Variants in DCX observed in about 807,000 individuals in gnomAD.
DCX encodes the protein doublecortin.
Under a neutral mutation model 20.9 loss-of-function variants are expected in DCX, and 4 were observed. That is an observed-to-expected ratio of 0.19 (90% CI 0.09 to 0.44). The LOEUF is 0.44. Among genes scored for constraint, DCX ranks in the 20% least tolerant of loss-of-function variants. The pLI is 0.99. For missense variants in DCX, 133 were observed against 296.9 expected (o/e 0.45, Z 4.06); for synonymous variants, 103 against 111.4 (o/e 0.92, Z 0.47).
rs555960681 is a variant in DCX at position 111,391,089 on chromosome X, A to C, written c.705+9901T>G. 1.5e-3 allele frequency among the ~76,000 whole-genome samples: 168 copies of C among 109,911 alleles called. 1 individual carries two copies. In the South Asian group the frequency reaches 0.019, roughly 12 times the overall value. On this transcript the variant is annotated intron_variant, in intron 3 of 6. Transcript: ENST00000636035. ...TGATATGGTTTGGCTCTGTGCCCCC[A>C]CCCAAATTTCATGTTGAATTGTAAT...
At position 111,301,017 on chromosome X, in the gene DCX, C is replaced by T. The variant is rs763548918; in HGVS notation, c.*670G>A. The T allele has an allele frequency of 3.5e-5, 4 of 113,704 alleles. No individual in the cohort carries two copies. Among genetic ancestry groups the T allele is most frequent in the Admixed American group, 9.2e-5 (1 of 10,895 alleles). The allele number at this position is 113,704 out of a possible 1,213,427, so 9.4% of individuals were successfully genotyped here. ...AATTCACTGTGCTTTATAAACTCTT[C>T]GGAAATGTCTGCAGTATTTTCCAAT... On this transcript the variant is annotated 3_prime_UTR_variant, in exon 7 of 7. Transcript: ENST00000636035.
chrX:111,390,564 C>T (rs866521119), intron 3 of DCX, among the ~76,000 whole-genome samples: 3 of 111,826 alleles, frequency 2.7e-5, no homozygotes, highest in Non-Finnish European at 1.9e-5. Flanking sequence ...ACTGCTGCCT[C>T]GATTTAGATC....
chrX:111,394,439 A>G (rs1927176026), intron 3 of DCX, among the ~76,000 whole-genome samples: 1 of 112,133 alleles, frequency 8.9e-6, no homozygotes, highest in African/African-American at 3.2e-5. Context: ...ACCTCTGTGA[A>G]TATACTAAAA....
chrX:111,410,775 T>C, intron 1 of DCX: 1 of 1,210,597 alleles, frequency 8.3e-7, no homozygotes, highest in Non-Finnish European at 1.1e-6. Context: ...CCTATCAAAT[T>C]GGAACTTCGG....
At chrX:111,382,668 C>A (rs1051668256) in intron 3 of DCX, among the ~76,000 whole-genome samples, 1 of 111,314 alleles carries the variant, frequency 9.0e-6, no homozygotes, top group Non-Finnish European at 1.9e-5. Context: ...CAAGAGAGTG[C>A]AAGACAGGAT....
At chrX:111,326,795 A>G (rs2147623205) in intron 5 of DCX, among the ~76,000 whole-genome samples, 1 of 112,091 alleles carries the variant, frequency 8.9e-6, no homozygotes, top group African/African-American at 3.2e-5. Flanking sequence ...AAGTAGAAGG[A>G]TTTGATTTAT....
chrX:111,329,427 A>G (rs1484961719), intron 5 of DCX, among the ~76,000 whole-genome samples: 11 of 111,817 alleles, frequency 9.8e-5, no homozygotes, highest in Non-Finnish European at 1.9e-4. Flanking sequence ...TGATATGAAA[A>G]TGAACCTACC....
intron 3 of DCX, among the ~76,000 whole-genome samples, chrX:111,396,100 T>G (rs1216664570): frequency 8.9e-6 from 1 of 112,361 alleles, no homozygotes; most frequent in Non-Finnish European, 1.9e-5. Context: ...AAAGGGCAAG[T>G]CTTTCCTAGA....
rs144228007 is a variant in DCX, at chrX:111,393,181, G to A, written c.705+7809C>T. On this transcript the variant is annotated intron_variant, in intron 3 of 6. Coordinates refer to ENST00000636035, the MANE Select transcript of DCX (RefSeq NM_001195553.2). ...AATTCTAAAAACCTTCAGAGGACTC[G>A]GCTATATGAACCACTGTTCATATTT... Among the ~76,000 whole-genome samples the A allele has an allele frequency of 4.2e-3, 468 of 110,917 alleles. 3 individuals carry two copies. Among genetic ancestry groups the A allele is most frequent in the Admixed American group, 9.9e-3 (103 of 10,419 alleles).
intron 5 of DCX, among the ~76,000 whole-genome samples, chrX:111,316,098 A>AAT (rs2095071017): frequency 9.5e-6 from 1 of 105,370 alleles, no homozygotes; most frequent in Non-Finnish European, 1.9e-5. Flanking sequence ...AAAAAAAAAA[A>AAT]AAAAAAAAAA....
In DCX at chrX:111,410,786, G is replaced by A. The variant is rs1405111726; in HGVS notation, c.-22-366C>T. 8.3e-6 allele frequency: 10 copies of A among 1,208,186 alleles called. No homozygotes were observed. The highest frequency in any genetic ancestry group is 1.1e-5 in the Non-Finnish European group (10 of 894,675). ...GGCTCCTATCAAATTGGAACTTCGGGCTAAATACATTAAAACTGGCATCTG... is the reference window on the plus strand; with the variant it reads ...GGCTCCTATCAAATTGGAACTTCGGACTAAATACATTAAAACTGGCATCTG... On this transcript the variant is annotated intron_variant, in intron 1 of 6. Coordinates refer to ENST00000636035, the MANE Select transcript of DCX (RefSeq NM_001195553.2).
At chrX:111,376,149 A>G (rs1925514326) in intron 3 of DCX, among the ~76,000 whole-genome samples, 1 of 112,084 alleles carries the variant, frequency 8.9e-6, no homozygotes, top group African/African-American at 3.2e-5. Context: ...TTTTTAAGGA[A>G]AAGTTAGAAT....
chrX:111,368,725 T>C (rs1452248723), intron 3 of DCX, among the ~76,000 whole-genome samples: 2 of 111,053 alleles, frequency 1.8e-5, no homozygotes, highest in South Asian at 3.8e-4. Flanking sequence ...TTTCTTACTT[T>C]CCAGGTGGCA....
rs1312662948 is a variant in DCX, at chrX:111,321,941, T to C, written c.946+8963A>G. Among the ~76,000 whole-genome samples, 4 of 112,146 alleles carry C rather than the reference T, an allele frequency of 3.6e-5. No individual in the cohort carries two copies. The South Asian group carries it at 1.5e-3, about 42-fold the overall frequency. ...ACCACAGACCAAACCAAGTTAATGC[T>C]CATTCACTTAGCCCTGGCTTTCCCT... On this transcript the variant is annotated intron_variant, in intron 5 of 6. Transcript: ENST00000636035.
intron 3 of DCX, among the ~76,000 whole-genome samples, chrX:111,377,300 C>T (rs1485199576): frequency 2.7e-5 from 3 of 111,965 alleles, no homozygotes; most frequent in African/African-American, 9.7e-5. Flanking sequence ...AATAAAAATT[C>T]TTTACAGCTG....
chrX:111,343,043 A>G (rs1275732431), intron 3 of DCX, among the ~76,000 whole-genome samples: 1 of 110,262 alleles, frequency 9.1e-6, no homozygotes, highest in Non-Finnish European at 1.9e-5. Context: ...AAAAGCTAGC[A>G]GAAGACAAGA....
At chrX:111,376,161 G>T (rs193269804) in intron 3 of DCX, among the ~76,000 whole-genome samples, 97 of 112,064 alleles carry the variant, frequency 8.7e-4, no homozygotes, top group East Asian at 8.5e-4. Flanking sequence ...AGTTAGAATT[G>T]AAGGCAGCTG....
chrX:111,401,154 G>A lies in DCX; in HGVS notation c.541C>T (p.Leu181=). 8.3e-7 allele frequency: 1 copy of A among 1,211,450 alleles called. No individual in the cohort carries two copies. The highest frequency in any genetic ancestry group is 1.8e-5 in the South Asian group (1 of 56,953). Residue 181 remains leucine, a synonymous_variant, in exon 3 of 7, where the codon CTG becomes TTG. Coordinates refer to ENST00000636035, the MANE Select transcript of DCX (RefSeq NM_001195553.2). The stretch of plus-strand genomic sequence containing the variant: ...ACCCCACTGCGGATGATGGTAACCA[G>A]CTTGGGGCGCACAAAGTCCTTGTTC... ...RENKDFVRPK[L]VTIIRSGVKP... is the part of the protein sequence containing the mutation.
intron 3 of DCX, among the ~76,000 whole-genome samples, chrX:111,370,187 AAG>A (rs1924961987): frequency 8.9e-6 from 1 of 111,908 alleles, no homozygotes; most frequent in Admixed American, 9.5e-5. Flanking sequence ...CACTAATTAC[AAG>A]AAACACATTA....
Sources: allele counts gnomAD v4.1 joint callset (sites outside exome capture counted in the v4.1 genomes callset), GRCh38; gene constraint gnomAD v4.1.1; transcripts MANE v1.5; gene names NCBI Gene and HGNC (gene_info 2026-07-23, HGNC 2026-07-21).